The following LRP1B variants were observed in gnomAD, a reference collection of about 807,000 sequenced individuals.
LRP1B encodes the protein low-density lipoprotein receptor-related protein 1B.
LRP1B carries 217 observed loss-of-function variants against 556.6 expected under a neutral mutation model. The ratio of observed to expected loss-of-function variants is 0.39; its 90% CI spans 0.35 to 0.44. LRP1B has a LOEUF of 0.44. LRP1B is among the 20% of genes least tolerant of loss of function. The pLI, the probability that LRP1B is intolerant of heterozygous loss-of-function variation, is 1.00. For synonymous variants in LRP1B, 2,047 were observed against 1,865.8 expected, an observed-to-expected ratio of 1.10 and a Z score of -2.50; for missense variants, 5,053 against 5,620.8, an observed-to-expected ratio of 0.90 and a Z score of 3.23.
chr2:141,898,480 T>G (rs2104928789), intron 1 of LRP1B, among the ~76,000 whole-genome samples: 1 of 152,282 alleles, frequency 6.6e-6, no homozygotes, highest in Non-Finnish European at 1.5e-5. Flanking sequence ...ATTATCCTGA[T>G]TAAAAATCAG....
At chr2:141,264,998 T>G (rs1013034459) in intron 3 of LRP1B, among the ~76,000 whole-genome samples, 32 of 152,160 alleles carry the variant, frequency 2.1e-4, no homozygotes, top group Admixed American at 1.6e-3. Context: ...GACAGGGCAC[T>G]GGATAACTTC....
intron 83 of LRP1B, among the ~76,000 whole-genome samples, chr2:140,300,490 T>G (rs1683775491): frequency 6.6e-6 from 1 of 152,166 alleles, no homozygotes; most frequent in African/African-American, 2.4e-5. Context: ...TATAGATTTA[T>G]AGCAGCGATG....
At chr2:140,290,463 C>T (rs1200685754) in intron 84 of LRP1B, among the ~76,000 whole-genome samples, 4 of 152,144 alleles carry the variant, frequency 2.6e-5, no homozygotes, top group African/African-American at 9.6e-5. Context: ...GTAGACAGGG[C>T]TCCAAAATGC....
chr2:140,427,661 C>T (rs1038229954), intron 66 of LRP1B, among the ~76,000 whole-genome samples: 1 of 152,136 alleles, frequency 6.6e-6, no homozygotes, highest in African/African-American at 2.4e-5. Context: ...ACACATCGGT[C>T]CATCCCTGGT....
At chr2:140,982,306 C>A (rs2105344067) in intron 17 of LRP1B, 30 bp from the exon 18 acceptor site, 1 of 1,417,288 alleles carries the variant, frequency 7.1e-7, no homozygotes, top group South Asian at 1.1e-5. Context: ...AACAAAAAAT[C>A]AATTTAGAGG....
At chr2:140,591,682 C>T (rs760850402) in intron 43 of LRP1B, among the ~76,000 whole-genome samples, 7 of 152,154 alleles carry the variant, frequency 4.6e-5, no homozygotes, top group South Asian at 2.1e-4. Context: ...TTCTGTACAA[C>T]GACTTGTCTG....
At chr2:140,643,748 T>C (rs915009703) in intron 41 of LRP1B, among the ~76,000 whole-genome samples, 18 of 152,208 alleles carry the variant, frequency 1.2e-4, no homozygotes, top group African/African-American at 3.9e-4. Flanking sequence ...CTTATTAAAC[T>C]TGAATGTACG....
At chr2:141,914,890 T>C (rs1699991070) in intron 1 of LRP1B, among the ~76,000 whole-genome samples, 1 of 152,164 alleles carries the variant, frequency 6.6e-6, no homozygotes, top group African/African-American at 2.4e-5. Flanking sequence ...TTCTCATGAA[T>C]TGGAAGAATC....
chr2:140,335,003 C>A (rs966759032), intron 78 of LRP1B, among the ~76,000 whole-genome samples: 2 of 151,912 alleles, frequency 1.3e-5, no homozygotes, highest in African/African-American at 4.8e-5. Flanking sequence ...TGGAAGACTG[C>A]ATAATTCTAA....
intron 41 of LRP1B, among the ~76,000 whole-genome samples, chr2:140,685,889 T>C (rs1378869441): frequency 6.6e-6 from 1 of 152,112 alleles, no homozygotes; most frequent in Non-Finnish European, 1.5e-5. Context: ...AAGGCAAGCA[T>C]GTAGTAGGCA....
At chr2:140,266,854 T>C (rs980053101) in intron 86 of LRP1B, among the ~76,000 whole-genome samples, 9 of 152,176 alleles carry the variant, frequency 5.9e-5, no homozygotes, top group African/African-American at 2.2e-4. Flanking sequence ...GCAAATGATA[T>C]TTTAATTTTC....
At chr2:140,302,462 A>T (rs1359486378) in intron 83 of LRP1B, among the ~76,000 whole-genome samples, 1 of 152,108 alleles carries the variant, frequency 6.6e-6, no homozygotes, top group Non-Finnish European at 1.5e-5. Context: ...TTCAAGTTGC[A>T]CTCTGTTAGT....
chr2:140,432,812 G>A (rs1686009993), intron 66 of LRP1B, among the ~76,000 whole-genome samples: 1 of 152,150 alleles, frequency 6.6e-6, no homozygotes, highest in Non-Finnish European at 1.5e-5. Flanking sequence ...ATACCTGTGT[G>A]ATCCTTATAT....
intron 2 of LRP1B, among the ~76,000 whole-genome samples, chr2:141,497,425 C>A (rs1214708727): frequency 6.6e-6 from 1 of 151,906 alleles, no homozygotes; most frequent in Non-Finnish European, 1.5e-5. Context: ...TACTTGAAAA[C>A]AAACAAAAAA....
At chr2:140,259,815 A>C (rs542533901) in intron 86 of LRP1B, among the ~76,000 whole-genome samples, 1 of 151,988 alleles carries the variant, frequency 6.6e-6, no homozygotes, top group Admixed American at 6.6e-5. Context: ...AATTTCATAA[A>C]AATGTTTCAT....
At chr2:140,541,147 C>G (rs2105017778) in intron 44 of LRP1B, 49 bp from the exon 45 acceptor site, 1 of 1,460,250 alleles carries the variant, frequency 6.8e-7, no homozygotes, top group Non-Finnish European at 9.5e-7. Flanking sequence ...AATTCCTGTT[C>G]TATGTTAGAT....
intron 3 of LRP1B, among the ~76,000 whole-genome samples, chr2:141,358,827 TA>T (rs1430888248): frequency 6.6e-6 from 1 of 152,162 alleles, no homozygotes; most frequent in East Asian, 1.9e-4. Flanking sequence ...GAGGTTCGCA[TA>T]AATGGATACA....
intron 1 of LRP1B, among the ~76,000 whole-genome samples, chr2:142,127,235 A>G (rs79435392): frequency 0.031 from 4,644 of 152,026 alleles, 138 homozygotes; most frequent in Non-Finnish European, 0.038. Context: ...CTTTCCTTAA[A>G]TTATTTTTAT....
intron 35 of LRP1B, among the ~76,000 whole-genome samples, chr2:140,718,755 C>T (rs545761121): frequency 1.3e-4 from 20 of 152,012 alleles, no homozygotes; most frequent in Non-Finnish European, 1.8e-4. Context: ...AATCCTCCCT[C>T]GCCTAATTTT....
Sources: gnomAD v4.1 joint callset for allele counts (sites outside exome capture counted in the v4.1 genomes callset) on GRCh38, gnomAD v4.1.1 for gene constraint, MANE v1.5 for transcripts, NCBI Gene and HGNC (gene_info 2026-07-23, HGNC 2026-07-21) for gene names.